The following ITGA1 variants were observed in gnomAD, a reference collection of about 807,000 sequenced individuals.
The protein encoded by ITGA1 is integrin alpha-1.
Under a neutral mutation model 145.9 loss-of-function variants are expected in ITGA1, and 85 were observed. The ratio of observed to expected loss-of-function variants is 0.58; its 90% CI spans 0.49 to 0.70. ITGA1 has a LOEUF of 0.70. ITGA1 is among the 30% of genes least tolerant of loss of function. The probability of loss-of-function intolerance (pLI) is 0.00; values close to 1 mark genes in which losing one functional copy is unlikely to be tolerated. For missense variants in ITGA1, 1,351 were observed against 1,418.7 expected (o/e 0.95, Z 0.77); for synonymous variants, 520 against 495.3 (o/e 1.05, Z -0.66).
In ITGA1 at chr5:52,817,412, C is replaced by T. The variant is rs13436930; in HGVS notation, c.61+28998C>T. ...GTAAGTAATTGGCACACAGAATAGA[C>T]GTTCAATAAATGTTAACTCTGTAGC... On this transcript the variant is annotated intron_variant, in intron 1 of 28. Coordinates refer to ENST00000282588, the MANE Select transcript of ITGA1 (RefSeq NM_181501.2). Among the ~76,000 whole-genome samples the T allele has an allele frequency of 6.7e-3, 1,021 of 152,246 alleles. 12 individuals are homozygous for T. Among genetic ancestry groups the T allele is most frequent in the African/African-American group, 0.023 (968 of 41,542 alleles).
intron 27 of ITGA1, among the ~76,000 whole-genome samples, chr5:52,946,492 A>G (rs1206821972): frequency 6.6e-6 from 1 of 152,210 alleles, no homozygotes; most frequent in Non-Finnish European, 1.5e-5. Context: ...TCATGCATAT[A>G]CAAATCTCTC....
chr5:52,943,609 G>C (rs1451662619), intron 26 of ITGA1, among the ~76,000 whole-genome samples: 1 of 152,126 alleles, frequency 6.6e-6, no homozygotes, highest in African/African-American at 2.4e-5. Context: ...TGTTTCTTTT[G>C]TTAGGTGTTC....
chr5:52,887,467 A>G (rs1305888731), intron 7 of ITGA1, among the ~76,000 whole-genome samples: 1 of 152,156 alleles, frequency 6.6e-6, no homozygotes, highest in African/African-American at 2.4e-5. Context: ...GTTTACAGAG[A>G]AAGGAGCACC....
At chr5:52,934,952 T>C (rs1750945020) in intron 23 of ITGA1, among the ~76,000 whole-genome samples, 1 of 151,920 alleles carries the variant, frequency 6.6e-6, no homozygotes, top group Non-Finnish European at 1.5e-5. Flanking sequence ...TACTGGATTC[T>C]AGGACAGATT....
At chr5:52,902,212 A>G (rs567126733) in intron 11 of ITGA1, 1 of 152,298 alleles carries the variant, frequency 6.6e-6, no homozygotes, top group Admixed American at 6.5e-5. Context: ...AACTGTAAGA[A>G]CTCAAGCTGT....
intron 1 of ITGA1, among the ~76,000 whole-genome samples, chr5:52,826,701 C>T (rs1378764648): frequency 6.6e-6 from 1 of 152,170 alleles, no homozygotes; most frequent in Non-Finnish European, 1.5e-5. Flanking sequence ...CTAAATCTAC[C>T]TACACTCTAT....
At chr5:52,821,407 A>G (rs922412389) in intron 1 of ITGA1, among the ~76,000 whole-genome samples, 6 of 152,188 alleles carry the variant, frequency 3.9e-5, no homozygotes, top group Non-Finnish European at 7.3e-5. Flanking sequence ...TGATATTCAT[A>G]AAAAATAAGA....
chr5:52,898,302 G>C lies in ITGA1; in HGVS notation c.1228G>C (p.Ala410Pro), dbSNP rs147933872. ...GAATGGAACAGTTGTCATGCAGAAG[G>C]CTAGTCAAATCATAATCCCTCGAAA... ...DWNGTVVMQK[A>P]SQIIIPRNTT... Residue 410 changes from alanine (A) to proline (P), a missense_variant, in exon 11 of 29, where the codon GCT (alanine) becomes CCT (proline). Ala to Pro is a conservative substitution (Grantham distance 27, BLOSUM62 -1). Transcript: ENST00000282588. The C allele has an allele frequency of 9.0e-4, 1,450 of 1,612,024 alleles. 3 individuals carry two copies. The highest frequency in any genetic ancestry group is 1.2e-3 in the Non-Finnish European group (1,387 of 1,178,722).
chr5:52,847,440 A>T (rs1749354757), intron 1 of ITGA1, among the ~76,000 whole-genome samples: 1 of 152,242 alleles, frequency 6.6e-6, no homozygotes, highest in African/African-American at 2.4e-5. Flanking sequence ...TTCAGGATCT[A>T]TGTGGCTATA....
chr5:52,918,771 T>A lies in ITGA1; in HGVS notation c.2028T>A (p.Phe676Leu). 6.2e-7 allele frequency: 1 copy of A among 1,612,210 alleles called. No homozygotes were observed. Among genetic ancestry groups the A allele is most frequent in the Non-Finnish European group, 8.5e-7 (1 of 1,179,176 alleles). ...CCGTAGTTAAAGTGACCATGAATTT[T>A]GAGCCAAATAAAGTGAATATTCAAA... Reference protein sequence around the residue: ...DVAVVKVTMNFEPNKVNIQKK... With the variant: ...DVAVVKVTMNLEPNKVNIQKK... Residue 676 changes from phenylalanine to leucine, a missense_variant, in exon 16 of 29, where the codon TTT (phenylalanine) becomes TTA (leucine). Transcript: ENST00000282588.
At chr5:52,873,467 A>G (rs1749816749) in intron 6 of ITGA1, among the ~76,000 whole-genome samples, 1 of 152,176 alleles carries the variant, frequency 6.6e-6, no homozygotes, top group South Asian at 2.1e-4. Context: ...ATTATGTATC[A>G]ACTTTATTAT....
At chr5:52,858,866 C>T (rs1379065099) in intron 2 of ITGA1, among the ~76,000 whole-genome samples, 1 of 152,008 alleles carries the variant, frequency 6.6e-6, no homozygotes, top group African/African-American at 2.4e-5. Context: ...TATACATTAA[C>T]TTATTTATTT....
rs182934312 is a variant in ITGA1 at position 52,914,566 on chromosome 5, G to A, written c.1858-898G>A. On this transcript the variant is annotated intron_variant, in intron 14 of 28. Transcript: ENST00000282588. Reference sequence around the variant, plus strand: ...CAGGAGAATCACTTGAACCTGGGAAGTGAAGGTTGCAGTGAGCCGAGATAG... The same window carrying A: ...CAGGAGAATCACTTGAACCTGGGAAATGAAGGTTGCAGTGAGCCGAGATAG... Among the ~76,000 whole-genome samples, 4 of 151,430 alleles carry A rather than the reference G, an allele frequency of 2.6e-5. No individual in the cohort carries two copies. In the East Asian group the frequency reaches 7.8e-4, roughly 29 times the overall value.
At chr5:52,819,160 C>G (rs1400451571) in intron 1 of ITGA1, among the ~76,000 whole-genome samples, 1 of 152,106 alleles carries the variant, frequency 6.6e-6, no homozygotes, top group Non-Finnish European at 1.5e-5. Flanking sequence ...GGGTATATAC[C>G]CAGTAATGGG....
At chr5:52,942,532 GTT>G (rs34805605) in intron 26 of ITGA1, among the ~76,000 whole-genome samples, 40 of 133,394 alleles carry the variant, frequency 3.0e-4, no homozygotes, top group East Asian at 1.8e-3. Flanking sequence ...TGTAAATGGA[GTT>G]TTTTTTTTTT....
chr5:52,813,126 A>G (rs1748710412), intron 1 of ITGA1, among the ~76,000 whole-genome samples: 1 of 152,180 alleles, frequency 6.6e-6, no homozygotes, highest in Non-Finnish European at 1.5e-5. Context: ...CATGCCAGGA[A>G]TAGTAACCTC....
intron 7 of ITGA1, among the ~76,000 whole-genome samples, chr5:52,884,517 G>T (rs1245223981): frequency 6.6e-6 from 1 of 151,222 alleles, no homozygotes; most frequent in Non-Finnish European, 1.5e-5. Flanking sequence ...ATTTGTTAAA[G>T]ATTGTAAGGA....
At chr5:52,921,703 G>A (rs553702760) in intron 17 of ITGA1, among the ~76,000 whole-genome samples, 32 of 152,172 alleles carry the variant, frequency 2.1e-4, no homozygotes, top group South Asian at 4.1e-4. Flanking sequence ...TCAAAATTTC[G>A]AAAATTGTTT....
chr5:52,898,264 G>A lies in ITGA1; in HGVS notation c.1190G>A (p.Gly397Glu). The A allele has an allele frequency of 6.2e-7, 1 of 1,603,530 alleles. No individual in the cohort carries two copies. The highest frequency in any genetic ancestry group is 8.5e-7 in the Non-Finnish European group (1 of 1,174,812). Residue 397 changes from glycine (G) to glutamate (E), a missense_variant, in exon 11 of 29, where the codon GGA becomes GAA. Physicochemically the swap from Gly to Glu is moderately conservative, Grantham distance 98 (BLOSUM62 -2). Coordinates refer to ENST00000282588, the MANE Select transcript of ITGA1 (RefSeq NM_181501.2). Reference protein sequence around the residue: ...SQDWVMLGAVGAYDWNGTVVM... With the variant: ...SQDWVMLGAVEAYDWNGTVVM... ...GACTGGGTCATGCTTGGAGCAGTAG[G>A]AGCCTATGATTGGAATGGAACAGTT... is the stretch of plus-strand genomic sequence containing the variant.
Sources: allele counts gnomAD v4.1 joint callset (sites outside exome capture counted in the v4.1 genomes callset), GRCh38; gene constraint gnomAD v4.1.1; transcripts MANE v1.5; gene names NCBI Gene and HGNC (gene_info 2026-07-23, HGNC 2026-07-21).